SH3RF1: variants seen among roughly 807,000 people sequenced by gnomAD.
The protein encoded by SH3RF1 is SH3 domain containing ring finger 1, also known as E3 ubiquitin-protein ligase SH3RF1.
In SH3RF1, 32 loss-of-function variants were observed where a neutral mutation model predicts 74.0. The ratio of observed to expected loss-of-function variants is 0.43; its 90% CI spans 0.33 to 0.58. SH3RF1 has a LOEUF of 0.58. SH3RF1 is among the 20% of genes least tolerant of loss of function. SH3RF1 has a pLI of 0.05. For synonymous variants in SH3RF1, 396 were observed against 439.6 expected (o/e 0.90, Z 1.24); for missense variants, 954 against 1,130.9 (o/e 0.84, Z 2.24).
intron 2 of SH3RF1, among the ~76,000 whole-genome samples, chr4:169,263,188 G>A (rs1731306947): frequency 6.6e-6 from 1 of 152,070 alleles, no homozygotes; most frequent in Non-Finnish European, 1.5e-5. Flanking sequence ...TACACGCCAG[G>A]GGAGCATGTC....
chr4:169,181,043 C>T (rs955070948), intron 2 of SH3RF1, among the ~76,000 whole-genome samples: 5 of 152,098 alleles, frequency 3.3e-5, no homozygotes, highest in African/African-American at 1.2e-4. Flanking sequence ...TAGATGAAAT[C>T]TGAAATGTAG....
chr4:169,158,804 T>C (rs1236153798), intron 2 of SH3RF1, among the ~76,000 whole-genome samples: 2 of 152,248 alleles, frequency 1.3e-5, no homozygotes, highest in East Asian at 3.8e-4. Flanking sequence ...CATAACACAA[T>C]TTTCAAAAAT....
chr4:169,255,372 T>C (rs1457173109), intron 2 of SH3RF1, among the ~76,000 whole-genome samples: 1 of 152,198 alleles, frequency 6.6e-6, no homozygotes, highest in Non-Finnish European at 1.5e-5. Flanking sequence ...CATTTGTTTA[T>C]ATCTGTTTAT....
At chr4:169,168,108 C>G (rs1734275997) in intron 2 of SH3RF1, among the ~76,000 whole-genome samples, 1 of 152,084 alleles carries the variant, frequency 6.6e-6, no homozygotes, top group Non-Finnish European at 1.5e-5. Flanking sequence ...TCACTGCAGT[C>G]CAGCCTGGGC....
At chr4:169,107,876 C>T (rs769358866) in intron 10 of SH3RF1, among the ~76,000 whole-genome samples, 1 of 152,168 alleles carries the variant, frequency 6.6e-6, no homozygotes, top group Non-Finnish European at 1.5e-5. Context: ...ATTAGACATC[C>T]ATTTTAAGGA....
intron 2 of SH3RF1, among the ~76,000 whole-genome samples, chr4:169,263,649 C>A (rs1317403224): frequency 1.3e-5 from 2 of 152,140 alleles, no homozygotes; most frequent in East Asian, 3.9e-4. Flanking sequence ...GCTACTTAGC[C>A]CTGGAAAGCA....
At chr4:169,187,896 A>G (rs1342853604) in intron 2 of SH3RF1, among the ~76,000 whole-genome samples, 1 of 152,096 alleles carries the variant, frequency 6.6e-6, no homozygotes, top group Non-Finnish European at 1.5e-5. Context: ...GCAAAGTTAA[A>G]ATGAGGTCAT....
intron 2 of SH3RF1, among the ~76,000 whole-genome samples, chr4:169,217,781 C>T (rs1275997046): frequency 1.3e-5 from 2 of 152,004 alleles, no homozygotes; most frequent in South Asian, 2.1e-4. Flanking sequence ...TAGTGATGGT[C>T]GCTCAACAAT....
intron 2 of SH3RF1, among the ~76,000 whole-genome samples, chr4:169,204,702 T>C (rs1579136339): frequency 2.6e-5 from 4 of 152,042 alleles, no homozygotes; most frequent in East Asian, 1.9e-4. Flanking sequence ...AGGCATGCAC[T>C]ACCACGCCCG....
chr4:169,110,850 T>A (rs190606842), intron 10 of SH3RF1, among the ~76,000 whole-genome samples: 1 of 152,128 alleles, frequency 6.6e-6, no homozygotes, highest in Non-Finnish European at 1.5e-5. Context: ...AATGTCAATG[T>A]CAGGCGAGAC....
At chr4:169,133,361 G>A (rs1026262649) in intron 5 of SH3RF1, among the ~76,000 whole-genome samples, 2 of 152,050 alleles carry the variant, frequency 1.3e-5, no homozygotes, top group African/African-American at 4.8e-5. Context: ...TGTAATCCCA[G>A]CTACTCAGGA....
intron 2 of SH3RF1, among the ~76,000 whole-genome samples, chr4:169,224,597 C>T (rs1360501157): frequency 6.6e-6 from 1 of 152,150 alleles, no homozygotes; most frequent in Non-Finnish European, 1.5e-5. Context: ...GGATTACAGG[C>T]GTGAACCACC....
At chr4:169,159,112 T>C (rs559924649) in intron 2 of SH3RF1, among the ~76,000 whole-genome samples, 1 of 152,270 alleles carries the variant, frequency 6.6e-6, no homozygotes, top group East Asian at 1.9e-4. Context: ...TACTCTGCCT[T>C]GACCTAATCT....
intron 11 of SH3RF1, among the ~76,000 whole-genome samples, chr4:169,099,334 C>T (rs1732978653): frequency 6.6e-6 from 1 of 152,198 alleles, no homozygotes; most frequent in Non-Finnish European, 1.5e-5. Flanking sequence ...AGCAATCTTC[C>T]AGCCTCAGCC....
In SH3RF1 at chr4:169,096,421, T is replaced by C. The variant is rs1222578670; in HGVS notation, c.*98A>G. The C allele has an allele frequency of 7.5e-7, 1 of 1,339,180 alleles. No individual in the cohort carries two copies. Among genetic ancestry groups the C allele is most frequent in the Non-Finnish European group, 1.0e-6 (1 of 968,950 alleles). The allele number at this position is 1,339,180 out of a possible 1,614,324, so 83.0% of individuals were successfully genotyped here. ...ACATACCAATCCTTTGCTCATCTCC[T>C]GACCATCTGGAAGTCCACAAATGTG... is the stretch of plus-strand genomic sequence containing the variant. On this transcript the variant is annotated 3_prime_UTR_variant, in exon 12 of 12. Transcript: ENST00000284637.
At position 169,269,254 on chromosome 4, in the gene SH3RF1, T is replaced by A. The variant is rs754581365; in HGVS notation, c.-42A>T. 2.0e-6 allele frequency: 3 copies of A among 1,519,422 alleles called. No individual in the cohort carries two copies. Among genetic ancestry groups the A allele is most frequent in the Non-Finnish European group, 2.6e-6 (3 of 1,140,580 alleles). 94.1% of individuals were successfully genotyped at this position (1,519,422 alleles called of 1,614,324 possible). A position where few individuals can be genotyped will look rare whatever the true frequency, so the allele number is the denominator to read the frequency against. ...GAGAAAAAATCTTCAGAAATGTTCA[T>A]AGTTGTGTGCATCCCTTAAAATGAC... On this transcript the variant is annotated 5_prime_UTR_variant, in exon 2 of 12. The change abolishes an upstream ATG in the 5' untranslated region. Coordinates refer to ENST00000284637, the MANE Select transcript of SH3RF1 (RefSeq NM_020870.4).
intron 2 of SH3RF1, among the ~76,000 whole-genome samples, chr4:169,168,408 A>C (rs1179250010): frequency 6.6e-6 from 1 of 152,212 alleles, no homozygotes; most frequent in Non-Finnish European, 1.5e-5. Context: ...AAAGGAACAG[A>C]GAAGTTTGGC....
chr4:169,157,885 C>G (rs1358384866), intron 2 of SH3RF1, among the ~76,000 whole-genome samples: 1 of 151,656 alleles, frequency 6.6e-6, no homozygotes, highest in Admixed American at 6.6e-5. Flanking sequence ...GGATTGCAGG[C>G]AAGCACCACT....
intron 2 of SH3RF1, among the ~76,000 whole-genome samples, chr4:169,249,330 G>A (rs6828462): frequency 0.026 from 3,939 of 152,338 alleles, 178 homozygotes; most frequent in African/African-American, 0.09. Flanking sequence ...CCACCATTAG[G>A]CTAGCTTGCC....
Sources: gnomAD v4.1 joint callset for allele counts (sites outside exome capture counted in the v4.1 genomes callset) on GRCh38, gnomAD v4.1.1 for gene constraint, MANE v1.5 for transcripts, NCBI Gene and HGNC (gene_info 2026-07-23, HGNC 2026-07-21) for gene names.